ATG9B: variants seen among roughly 807,000 people sequenced by gnomAD.
ATG9B encodes the protein autophagy related 9B.
In ATG9B, 92 loss-of-function variants were observed where a neutral mutation model predicts 92.9. The observed-to-expected ratio is 0.99, with a 90% CI of 0.84 to 1.18. The LOEUF (loss-of-function observed/expected upper bound fraction) is 1.18. ATG9B is among the 50% of genes most tolerant of loss of function. The pLI is 0.00. For missense variants in ATG9B, 1,344 were observed against 1,235.0 expected (o/e 1.09, Z -1.32); for synonymous variants, 599 against 551.4 (o/e 1.09, Z -1.21).
downstream of ATG9B, chr7:151,014,150 C>T (rs746325833): frequency 2.2e-5 from 35 of 1,607,474 alleles, no homozygotes; most frequent in Admixed American, 1.5e-4. Flanking sequence ...CCTCCCGGCT[C>T]AGACACCAAC....
Position 151,024,397 on chromosome 7 carries a change from C to T in ATG9B, c.27G>A (p.Gly9=). The part of the protein sequence containing the change: MVSRMGWG[G]RRRRLGRWGD... ...CCCACCGCCCCAGCCGCCTTCTTCT[C>T]CCCCCCCAGCCCATTCGGCTCACCA... The change falls in exon 1 of 14, where the codon GGG becomes GGA. Residue 9 remains glycine, a synonymous_variant. Transcript: ENST00000639579. 1 of 1,354,570 alleles carries T rather than the reference C, an allele frequency of 7.4e-7. No homozygotes were observed. Among genetic ancestry groups the T allele is most frequent in the Non-Finnish European group, 9.5e-7 (1 of 1,047,652 alleles). The allele number at this position is 1,354,570 out of a possible 1,614,324, so 83.9% of individuals were successfully genotyped here. A position where few individuals can be genotyped will look rare whatever the true frequency, so the allele number is the denominator to read the frequency against.
intron 10 of ATG9B, 42 bp from the exon 11 acceptor site, chr7:151,016,569 C>T (rs2117153551): frequency 6.5e-7 from 1 of 1,543,714 alleles, no homozygotes; most frequent in East Asian, 2.5e-5. Context: ...ATGCCCTCCT[C>T]CCGCCACACC....
Position 151,018,829 on chromosome 7 carries a change from C to G in ATG9B, c.1509G>C (p.Leu503=). ...CGGCGGCGGGGCGGTAGGCGCGGGC[C>G]AGGCGCGCGCGCAGCTCGTGCGGCA... is the stretch of plus-strand genomic sequence containing the variant. ...NELPHELRAR[L]ARAYRPAAAF... The change falls in exon 6 of 14, where the codon CTG becomes CTC. Residue 503 remains leucine, a synonymous_variant. Transcript: ENST00000639579. This position sits in a 1 kb window ranked among gnomAD's most constrained non-coding sequence, Gnocchi z 4.7. 1 of 1,293,872 alleles carries G rather than the reference C, an allele frequency of 7.7e-7. No individual in the cohort carries two copies. Among genetic ancestry groups the G allele is most frequent in the Non-Finnish European group, 9.8e-7 (1 of 1,024,780 alleles). The allele number at this position is 1,293,872 out of a possible 1,614,324, so 80.1% of individuals were successfully genotyped here.
Position 151,015,649 on chromosome 7 carries a change from A to G in ATG9B, c.*79T>C, listed in dbSNP as rs1795447042. The G allele has an allele frequency of 2.2e-6, 1 of 461,986 alleles. No individual in the cohort carries two copies. Among genetic ancestry groups the G allele is most frequent in the African/African-American group, 2.0e-5 (1 of 49,764 alleles). 28.6% of individuals were successfully genotyped at this position (461,986 alleles called of 1,614,324 possible). ...GGGCCTGTCATCTATGGGGCCTCTAACAATGACTCCTTGTGTTTTTCTACT... is the reference window on the plus strand; with the variant it reads ...GGGCCTGTCATCTATGGGGCCTCTAGCAATGACTCCTTGTGTTTTTCTACT... On this transcript the variant is annotated 3_prime_UTR_variant, in exon 14 of 14. Transcript: ENST00000639579.
rs1212710475 is a variant in ATG9B, at chr7:151,018,098, G to GCGCGTTATCAGGACCAAGCAGTCCC, written c.1873-73_1873-49dup. The GCGCGTTATCAGGACCAAGCAGTCCC allele has an allele frequency of 6.5e-7, 1 of 1,528,374 alleles. No individual in the cohort carries two copies. Among genetic ancestry groups the GCGCGTTATCAGGACCAAGCAGTCCC allele is most frequent in the South Asian group, 1.3e-5 (1 of 79,976 alleles). The allele number at this position is 1,528,374 out of a possible 1,614,324, so 94.7% of individuals were successfully genotyped here. A position where few individuals can be genotyped will look rare whatever the true frequency, so the allele number is the denominator to read the frequency against. On this transcript the variant is annotated intron_variant, in intron 7 of 13. Coordinates refer to ENST00000639579, the MANE Select transcript of ATG9B (RefSeq NM_001317056.2). This position sits in a 1 kb window ranked among gnomAD's most constrained non-coding sequence, Gnocchi z 4.7. ...GAGCAGGGGTCGCTGAGGGGCCCAC[G>GCGCGTTATCAGGACCAAGCAGTCCC]CGCGTTATCAGGACCAAGCAGTCCC... is the stretch of plus-strand genomic sequence containing the variant.
At chr7:151,012,546 A>C (rs1795329024), downstream of ATG9B, 1 of 1,518,724 alleles carries the variant, frequency 6.6e-7, no homozygotes, top group Non-Finnish European at 9.0e-7. Context: ...GCTGGAAGGC[A>C]GGAAATAGGA....
Position 151,018,306 on chromosome 7 carries a change from C to T in ATG9B, c.1860G>A (p.Leu620=), listed in dbSNP as rs566030667. The change falls in exon 7 of 14, where the codon CTG becomes CTA. Residue 620 remains leucine, a synonymous_variant. Coordinates refer to ENST00000639579, the MANE Select transcript of ATG9B (RefSeq NM_001317056.2). This position sits in a 1 kb window ranked among gnomAD's most constrained non-coding sequence, Gnocchi z 4.7. ...CGCCCACCCTCACCGCTCGGTACTG[C>T]AGCAGCTGCGCCATCTGCCGGTAGG... ...DRAYRQMAQL[L]QYRAVSLLEE... 3.2e-6 allele frequency: 5 copies of T among 1,571,962 alleles called. No individual in the cohort carries two copies. The South Asian group carries it at 4.7e-5, about 15-fold the overall frequency.
downstream of ATG9B, chr7:151,014,153 A>G: frequency 6.2e-7 from 1 of 1,607,420 alleles, no homozygotes; most frequent in South Asian, 1.1e-5. Flanking sequence ...CCCGGCTCAG[A>G]CACCAACAGC....
chr7:151,017,921 C>T lies in ATG9B; in HGVS notation c.2002G>A (p.Asp668Asn), dbSNP rs1563250292. The change falls in exon 8 of 14, where the codon GAC (aspartate) becomes AAC (asparagine). Residue 668 changes from aspartate to asparagine, a missense_variant. Asp to Asn is a conservative substitution (Grantham distance 23). Transcript: ENST00000639579. Reference protein sequence around the residue: ...HFTVDVAGVGDICSFALMDVK... With the variant: ...HFTVDVAGVGNICSFALMDVK... ...TCCATAAGGGCAAAGGAACAGATGT[C>T]CCCAACCCCAGCCACATCCACAGTG... 1.2e-6 allele frequency: 2 copies of T among 1,610,034 alleles called. No individual in the cohort carries two copies. Among genetic ancestry groups the T allele is most frequent in the East Asian group, 2.2e-5 (1 of 44,824 alleles).
At chr7:151,015,860 C>T in intron 13 of ATG9B, 22 bp downstream of exon 13, 2 of 1,541,136 alleles carry the variant, frequency 1.3e-6, no homozygotes, top group Non-Finnish European at 1.8e-6. Context: ...TTCTCCCTCC[C>T]CTCACAGGAG....
chr7:151,013,455 C>T, downstream of ATG9B: 5 of 1,516,094 alleles, frequency 3.3e-6, no homozygotes, highest in South Asian at 2.5e-5. Context: ...CAGCGGGGCA[C>T]ACCAACCACG....
In ATG9B at chr7:151,018,898, G is replaced by T; in HGVS notation, c.1440C>A (p.Gly480=). 2 of 1,465,692 alleles carry T rather than the reference G, an allele frequency of 1.4e-6. No individual in the cohort carries two copies. 90.8% of individuals were successfully genotyped at this position (1,465,692 alleles called of 1,614,324 possible). A position where few individuals can be genotyped will look rare whatever the true frequency, so the allele number is the denominator to read the frequency against. ...RREPGALGAR[G]WSRLARLQLR... is the part of the protein sequence containing the mutation. Reference sequence around the variant, plus strand: ...GCTGCAAGCGCGCCAGGCGGGACCAGCCGCGCGCCCCCAGCGCGCCAGGCT... The same window carrying T: ...GCTGCAAGCGCGCCAGGCGGGACCATCCGCGCGCCCCCAGCGCGCCAGGCT... The change falls in exon 6 of 14, where the codon GGC becomes GGA. Residue 480 remains glycine (G), a synonymous_variant. Coordinates refer to ENST00000639579, the MANE Select transcript of ATG9B (RefSeq NM_001317056.2). The surrounding 1 kb of genome is among the most constrained non-coding windows in gnomAD (Gnocchi z 4.7).
At chr7:151,016,922 C>G (rs1795515564) in intron 9 of ATG9B, 101 bp from the exon 10 acceptor site, 24 of 1,514,536 alleles carry the variant, frequency 1.6e-5, no homozygotes, top group Non-Finnish European at 2.1e-5. Context: ...GGAGAGCAGG[C>G]TGGGGGCGGG....
At chr7:151,013,408 C>G (rs775089462), downstream of ATG9B, 2 of 1,596,968 alleles carry the variant, frequency 1.3e-6, no homozygotes, top group South Asian at 2.2e-5. Context: ...GCAATGGTAA[C>G]CTGAAGATAG....
At chr7:151,015,030 C>T (rs1228330340), downstream of ATG9B, 2 of 152,236 alleles carry the variant, frequency 1.3e-5, no homozygotes, top group African/African-American at 4.8e-5. Flanking sequence ...ACTCTGAAAA[C>T]ATGGTTTCCA....
intron 5 of ATG9B, chr7:151,020,979 C>T: frequency 3.7e-6 from 2 of 533,960 alleles, no homozygotes; most frequent in Non-Finnish European, 6.6e-6. Context: ...TCTAAATAAA[C>T]TAAACTCCCT....
chr7:151,023,230 C>G (rs754441221), intron 3 of ATG9B, 24 bp from the exon 4 acceptor site: 1 of 1,613,856 alleles, frequency 6.2e-7, no homozygotes, highest in East Asian at 2.2e-5. Flanking sequence ...GGGGGGGTGC[C>G]GGGATGCTGC....
chr7:151,012,641 G>A, downstream of ATG9B: 2 of 728,284 alleles, frequency 2.7e-6, no homozygotes, highest in South Asian at 4.2e-5. Context: ...GCAAGGGCTG[G>A]GCCCTGAGCT....
At position 151,016,647 on chromosome 7, in the gene ATG9B, C is replaced by T. The variant is rs1230698131; in HGVS notation, c.2423+41G>A. On this transcript the variant is annotated intron_variant, in intron 10 of 13. Coordinates refer to ENST00000639579, the MANE Select transcript of ATG9B (RefSeq NM_001317056.2). The stretch of plus-strand genomic sequence containing the variant: ...CCCCACTCCTACAGGATCAGCCCAC[C>T]CCCCTCCACATGCCCCTGCATCTCA... 2.6e-6 allele frequency: 4 copies of T among 1,549,222 alleles called. No homozygotes were observed. The South Asian group carries it at 3.6e-5, about 14-fold the overall frequency.
Sources: gnomAD v4.1 joint callset for allele counts on GRCh38, gnomAD v4.1.1 for gene constraint, Gnocchi (gnomAD v3.1) non-coding constraint, MANE v1.5 for transcripts, NCBI Gene and HGNC (gene_info 2026-07-23, HGNC 2026-07-21) for gene names.